ADD3: variants seen among roughly 807,000 people sequenced by gnomAD.
The protein encoded by ADD3 is gamma-adducin.
Under a neutral mutation model 80.2 loss-of-function variants are expected in ADD3, and 25 were observed. That is an observed-to-expected ratio of 0.31 (90% confidence interval 0.23 to 0.44). The LOEUF (loss-of-function observed/expected upper bound fraction) is 0.44. Among genes scored for constraint, ADD3 ranks in the 20% least tolerant of loss-of-function variants. The pLI is 1.00. For synonymous variants in ADD3, 284 were observed against 289.6 expected (o/e 0.98, Z 0.20); for missense variants, 829 against 847.5 (o/e 0.98, Z 0.27).
upstream of ADD3, among the ~76,000 whole-genome samples, chr10:110,001,006 G>C (rs1405307756): frequency 6.6e-6 from 1 of 152,146 alleles, no homozygotes; most frequent in African/African-American, 2.4e-5. Flanking sequence ...TTTGAACACA[G>C]AGTGAGAGAA....
chr10:110,067,848 CAAT>C (rs1844165950), intron 1 of ADD3, among the ~76,000 whole-genome samples: 1 of 152,188 alleles, frequency 6.6e-6, no homozygotes, highest in Non-Finnish European at 1.5e-5. Context: ...AAAACACCAA[CAAT>C]GCTAGATTAT....
Position 110,122,281 on chromosome 10 carries a change from C to T in ADD3, c.1132C>T (p.Leu378=), listed in dbSNP as rs767258771. 15 of 1,613,406 alleles carry T rather than the reference C, an allele frequency of 9.3e-6. No individual in the cohort carries two copies. Among genetic ancestry groups the T allele is most frequent in the Non-Finnish European group, 1.3e-5 (15 of 1,179,750 alleles). The change falls in exon 9 of 15, where the codon CTG becomes TTG. Residue 378 remains leucine, a synonymous_variant. Transcript: ENST00000356080. The stretch of plus-strand genomic sequence containing the variant: ...TGAGTTTGAAGGGCTTATGAGGACT[C>T]TGGACAACTTGGTAGGTTGCAAAAT... ...EIEFEGLMRT[L]DNLGYRTGYA...
chr10:110,038,919 A>G (rs1244023570), intron 1 of ADD3, among the ~76,000 whole-genome samples: 2 of 152,204 alleles, frequency 1.3e-5, no homozygotes, highest in African/African-American at 4.8e-5. Context: ...ATTATGGGCT[A>G]TAATATGTGT....
At chr10:110,050,316 T>G (rs755449926) in intron 1 of ADD3, among the ~76,000 whole-genome samples, 1 of 152,052 alleles carries the variant, frequency 6.6e-6, no homozygotes, top group African/African-American at 2.4e-5. Flanking sequence ...ATTTGAATCA[T>G]GGGGGCAGTT....
chr10:110,080,160 C>G (rs1178801695), intron 1 of ADD3, among the ~76,000 whole-genome samples: 3 of 152,118 alleles, frequency 2.0e-5, no homozygotes, highest in Admixed American at 2.0e-4. Context: ...TAAGAACTGC[C>G]CCAGGAGGAA....
intron 1 of ADD3, among the ~76,000 whole-genome samples, chr10:110,053,007 GAAAC>G (rs772293650): frequency 1.8e-4 from 28 of 152,230 alleles, no homozygotes; most frequent in Middle Eastern, 3.4e-3. Context: ...TTAGAAAATG[GAAAC>G]AAACAAACAA....
intron 1 of ADD3, among the ~76,000 whole-genome samples, chr10:110,063,137 T>C (rs1172730183): frequency 6.6e-6 from 1 of 152,174 alleles, no homozygotes; most frequent in Non-Finnish European, 1.5e-5. Flanking sequence ...ATTTTAAGTG[T>C]TTTGTGAATG....
intron 1 of ADD3, among the ~76,000 whole-genome samples, chr10:110,070,541 G>C (rs1203781528): frequency 7.2e-5 from 11 of 152,164 alleles, no homozygotes; most frequent in African/African-American, 2.4e-4. Context: ...AGTTATGTTT[G>C]GGAGCAGTAT....
chr10:110,059,051 C>T (rs1858556100), intron 1 of ADD3, among the ~76,000 whole-genome samples: 1 of 152,180 alleles, frequency 6.6e-6, no homozygotes, highest in Admixed American at 6.5e-5. Context: ...ACCTCCATTA[C>T]CTTGGGCCTG....
upstream of ADD3, among the ~76,000 whole-genome samples, chr10:110,004,008 G>A (rs561695760): frequency 1.3e-5 from 2 of 152,224 alleles, no homozygotes; most frequent in South Asian, 2.1e-4. Context: ...CTTTATATAA[G>A]AGACTGTGCT....
chr10:110,082,716 T>C (rs933325146), intron 1 of ADD3, among the ~76,000 whole-genome samples: 1 of 152,234 alleles, frequency 6.6e-6, no homozygotes, highest in African/African-American at 2.4e-5. Flanking sequence ...TCTCAAAACA[T>C]GGCGGTAAAT....
intron 1 of ADD3, among the ~76,000 whole-genome samples, chr10:110,033,718 A>T (rs1231888532): frequency 6.6e-6 from 1 of 152,194 alleles, no homozygotes. Context: ...ATATAGTGCA[A>T]ATACTTTGTG....
intron 1 of ADD3, among the ~76,000 whole-genome samples, chr10:110,074,088 C>A (rs1262742274): frequency 1.3e-5 from 2 of 152,176 alleles, no homozygotes; most frequent in African/African-American, 4.8e-5. Flanking sequence ...GTTGGTGTCA[C>A]CATCAGCCAA....
intron 13 of ADD3, among the ~76,000 whole-genome samples, chr10:110,131,628 G>A (rs1853010591): frequency 6.6e-6 from 1 of 152,180 alleles, no homozygotes; most frequent in Non-Finnish European, 1.5e-5. Context: ...ACAAAAGGGA[G>A]TTGTCCTGAT....
intron 4 of ADD3, 32 bp downstream of exon 4, chr10:110,116,442 A>G (rs749810468): frequency 6.2e-7 from 1 of 1,609,816 alleles, no homozygotes; most frequent in Non-Finnish European, 8.5e-7. Context: ...TCCTTTTTTA[A>G]AAAATTCCAG....
At chr10:110,000,158 G>A (rs537581671) in intron 1 of ADD3, among the ~76,000 whole-genome samples, 35 of 152,286 alleles carry the variant, frequency 2.3e-4, no homozygotes, top group African/African-American at 7.9e-4. Flanking sequence ...GACCTCAGGT[G>A]ATCCGCCCAC....
intron 1 of ADD3, among the ~76,000 whole-genome samples, chr10:110,042,654 C>G: frequency 6.8e-6 from 1 of 147,226 alleles, no homozygotes; most frequent in African/African-American, 2.5e-5. Flanking sequence ...TATTAATAGT[C>G]TTATTATTGA....
At chr10:110,028,729 T>G (rs972964032) in intron 1 of ADD3, among the ~76,000 whole-genome samples, 2 of 152,316 alleles carry the variant, frequency 1.3e-5, no homozygotes, top group African/African-American at 4.8e-5. Context: ...TCTGCATTGT[T>G]TAAATAGAAA....
intron 1 of ADD3, among the ~76,000 whole-genome samples, chr10:110,075,341 G>T (rs1292883502): frequency 1.5e-4 from 22 of 147,586 alleles, no homozygotes; most frequent in Admixed American, 1.3e-3. Context: ...ATGGTTTTTT[G>T]TTTTTTTTTT....
Sources: allele counts gnomAD v4.1 joint callset (sites outside exome capture counted in the v4.1 genomes callset), GRCh38; gene constraint gnomAD v4.1.1; transcripts MANE v1.5; gene names NCBI Gene and HGNC (gene_info 2026-07-23, HGNC 2026-07-21).